Variants in SHISA9 observed in about 807,000 individuals in gnomAD.
SHISA9 encodes shisa family member 9, also known as protein shisa-9.
A neutral mutation model predicts 38.0 loss-of-function variants in SHISA9; 13 were observed. That is an observed-to-expected ratio of 0.34 (90% CI 0.22 to 0.54). The LOEUF is 0.54. SHISA9 is among the 20% of genes least tolerant of loss of function. The probability of loss-of-function intolerance (pLI) is 0.91; values close to 1 mark genes in which losing one functional copy is unlikely to be tolerated. For missense variants in SHISA9, 538 were observed against 575.8 expected (o/e 0.93, Z 0.67); for synonymous variants, 275 against 242.0 (o/e 1.14, Z -1.27).
chr16:13,487,049 C>T, the SHISA9 span, among the ~76,000 whole-genome samples: 1 of 152,188 alleles, frequency 6.6e-6, no homozygotes, highest in African/African-American at 2.4e-5. Flanking sequence ...CTGCACCAGG[C>T]TAGGCTAAGT....
the SHISA9 span, among the ~76,000 whole-genome samples, chr16:13,516,169 G>A: frequency 6.6e-6 from 1 of 152,188 alleles, no homozygotes; most frequent in African/African-American, 2.4e-5. Context: ...AAACCACAGA[G>A]CTAATGGAGG....
At chr16:13,433,733 C>A in the SHISA9 span, among the ~76,000 whole-genome samples, 2 of 152,188 alleles carry the variant, frequency 1.3e-5, no homozygotes, top group African/African-American at 4.8e-5. Context: ...TGGATAGATT[C>A]ATAGAAGAGG....
chr16:13,541,399 C>A, the SHISA9 span, among the ~76,000 whole-genome samples: 1 of 152,124 alleles, frequency 6.6e-6, no homozygotes, highest in African/African-American at 2.4e-5. Flanking sequence ...TATATAGCCC[C>A]ACAAAATGTG....
intron 4 of SHISA9, among the ~76,000 whole-genome samples, chr16:13,214,192 A>T (rs535443764): frequency 6.6e-6 from 1 of 152,030 alleles, no homozygotes; most frequent in African/African-American, 2.4e-5. Context: ...TGGAGGTAGA[A>T]CTATTTATCT....
chr16:12,988,518 T>C (rs750074999), intron 2 of SHISA9, among the ~76,000 whole-genome samples: 34 of 152,140 alleles, frequency 2.2e-4, no homozygotes, highest in Non-Finnish European at 4.0e-4. Flanking sequence ...TTTATTGTTG[T>C]TGTTGTTTGT....
chr16:13,019,996 CTT>C (rs2072831430), intron 2 of SHISA9, among the ~76,000 whole-genome samples: 2 of 128,450 alleles, frequency 1.6e-5, no homozygotes, highest in Non-Finnish European at 3.3e-5. Context: ...TCCTTCCTTC[CTT>C]CCTTCCTTCC....
At chr16:13,343,469 A>G in the SHISA9 span, among the ~76,000 whole-genome samples, 1 of 152,096 alleles carries the variant, frequency 6.6e-6, no homozygotes, top group Admixed American at 6.6e-5. Flanking sequence ...TGTGGGAGTC[A>G]CCTGCTCCCA....
At chr16:13,448,525 C>T in the SHISA9 span, among the ~76,000 whole-genome samples, 2 of 152,202 alleles carry the variant, frequency 1.3e-5, no homozygotes, top group African/African-American at 4.8e-5. Context: ...GTGAACGGAC[C>T]GTACTCTTCT....
At chr16:13,283,781 A>C in the SHISA9 span, among the ~76,000 whole-genome samples, 1 of 152,048 alleles carries the variant, frequency 6.6e-6, no homozygotes. Flanking sequence ...GCTGGATTTC[A>C]GGTATGTTAA....
chr16:12,917,784 C>G (rs1347324174), intron 2 of SHISA9, among the ~76,000 whole-genome samples: 1 of 152,142 alleles, frequency 6.6e-6, no homozygotes, highest in Admixed American at 6.6e-5. Context: ...AAAACAGAAA[C>G]AATTCTAATG....
At chr16:13,107,004 G>A (rs1284569079) in intron 2 of SHISA9, among the ~76,000 whole-genome samples, 1 of 136,262 alleles carries the variant, frequency 7.3e-6, no homozygotes, top group South Asian at 2.4e-4. Context: ...CTCTCTCTCT[G>A]CTTTGAGCTA....
At chr16:13,116,603 C>G (rs945947888) in intron 2 of SHISA9, among the ~76,000 whole-genome samples, 2 of 152,156 alleles carry the variant, frequency 1.3e-5, no homozygotes, top group South Asian at 4.1e-4. Flanking sequence ...GAAAACTGTG[C>G]ATTTGAATCC....
intron 2 of SHISA9, among the ~76,000 whole-genome samples, chr16:13,042,506 C>T (rs898325898): frequency 6.6e-6 from 1 of 152,204 alleles, no homozygotes; most frequent in Non-Finnish European, 1.5e-5. Flanking sequence ...CTCAGTTGTT[C>T]TCATCAAAGT....
the SHISA9 span, among the ~76,000 whole-genome samples, chr16:13,373,760 CAAAA>C: frequency 6.7e-5 from 8 of 119,158 alleles, no homozygotes; most frequent in African/African-American, 1.6e-4. Context: ...GACTCCGTCT[CAAAA>C]AAAAAAAAAA....
chr16:13,168,840 C>T (rs1386470963), intron 2 of SHISA9, among the ~76,000 whole-genome samples: 1 of 152,222 alleles, frequency 6.6e-6, no homozygotes, highest in Admixed American at 6.5e-5. Flanking sequence ...TGTCTCAGCT[C>T]TTATTTGTTT....
intron 2 of SHISA9, among the ~76,000 whole-genome samples, chr16:13,151,457 C>T (rs1248587710): frequency 6.6e-6 from 1 of 152,126 alleles, no homozygotes; most frequent in Non-Finnish European, 1.5e-5. Flanking sequence ...TGAACAACAA[C>T]CAGCTCACCT....
chr16:13,287,137 G>C, the SHISA9 span, among the ~76,000 whole-genome samples: 1 of 152,038 alleles, frequency 6.6e-6, no homozygotes, highest in Non-Finnish European at 1.5e-5. Flanking sequence ...ACTGTAACAT[G>C]GCCCTACAAT....
chr16:13,456,393 T>C, the SHISA9 span, among the ~76,000 whole-genome samples: 37 of 152,184 alleles, frequency 2.4e-4, no homozygotes, highest in Non-Finnish European at 4.3e-4. Flanking sequence ...TGTTTTTTCC[T>C]CCACCATTTA....
At chr16:13,469,420 A>AGAAG in the SHISA9 span, among the ~76,000 whole-genome samples, 142 of 114,304 alleles carry the variant, frequency 1.2e-3, 1 homozygote, top group Non-Finnish European at 2.4e-3. Context: ...AAAGAAAGAA[A>AGAAG]GAAAAAGAAA....
Sources: gnomAD v4.1 joint callset for allele counts (sites outside exome capture counted in the v4.1 genomes callset) on GRCh38, gnomAD v4.1.1 for gene constraint, MANE v1.5 for transcripts, NCBI Gene and HGNC (gene_info 2026-07-23, HGNC 2026-07-21) for gene names.